Variants in CROCC2 observed in about 807,000 individuals in gnomAD.
CROCC2 encodes ciliary rootlet coiled-coil protein 2.
Under a neutral mutation model 177.6 loss-of-function variants are expected in CROCC2, and 163 were observed. The observed-to-expected ratio is 0.92, with a 90% CI of 0.81 to 1.05. The LOEUF (loss-of-function observed/expected upper bound fraction) is 1.05. Ranked by LOEUF, CROCC2 falls within the 50% of genes least tolerant of loss-of-function variation. The probability of loss-of-function intolerance (pLI) is 0.00; values close to 1 mark genes in which losing one functional copy is unlikely to be tolerated. For missense variants in CROCC2, 1,929 were observed against 1,797.8 expected (o/e 1.07, Z -1.32); for synonymous variants, 904 against 787.3 (o/e 1.15, Z -2.48).
chr2:240,929,266 C>G, intron 5 of CROCC2, among the ~76,000 whole-genome samples: 1 of 152,134 alleles, frequency 6.6e-6, no homozygotes, highest in East Asian at 1.9e-4. Flanking sequence ...TCTGGGGGTT[C>G]TGGAGAACGG....
chr2:240,989,023 G>A (rs898919772), intron 29 of CROCC2, among the ~76,000 whole-genome samples, 153 bp downstream of exon 29: 2 of 152,132 alleles, frequency 1.3e-5, no homozygotes, highest in Non-Finnish European at 2.9e-5. Flanking sequence ...TTCTGCATGT[G>A]ATGGATACAG....
In CROCC2 at chr2:240,906,508, G is replaced by A. The variant is rs1454182004; in HGVS notation, c.-6G>A. 1 of 399,106 alleles carries A rather than the reference G, an allele frequency of 2.5e-6. No homozygotes were observed. The highest frequency in any genetic ancestry group is 4.4e-6 in the Non-Finnish European group (1 of 226,110). 24.7% of individuals were successfully genotyped at this position (399,106 alleles called of 1,614,324 possible). On this transcript the variant is annotated 5_prime_UTR_variant, in exon 1 of 32. Coordinates refer to ENST00000690015, the MANE Select transcript of CROCC2 (RefSeq NM_001351305.2). ...ACTTCTCTGGGGTCCTGCGCTCTGG[G>A]CTGCAATGAGCTCTGCCTCCAGTGA...
At chr2:240,964,288 A>T in intron 21 of CROCC2, 178 bp from the exon 22 acceptor site, 1 of 705,376 alleles carries the variant, frequency 1.4e-6, no homozygotes, top group Non-Finnish European at 2.4e-6. Context: ...CGGCACCGGG[A>T]CCTGGGTGGA....
At chr2:240,961,776 ACT>A (rs374595801) in intron 20 of CROCC2, among the ~76,000 whole-genome samples, 1 of 75,854 alleles carries the variant, frequency 1.3e-5, no homozygotes, top group African/African-American at 6.6e-5. Flanking sequence ...ACACACACAC[ACT>A]CATCACACAC....
chr2:240,992,847 T>G (rs1420080084), intron 31 of CROCC2, among the ~76,000 whole-genome samples: 2 of 152,176 alleles, frequency 1.3e-5, no homozygotes, highest in Non-Finnish European at 2.9e-5. Context: ...TTCCCTGCCT[T>G]CCTTCCCCAT....
At chr2:240,961,805 ACT>A (rs1559606207) in intron 20 of CROCC2, among the ~76,000 whole-genome samples, 1 of 79,418 alleles carries the variant, frequency 1.3e-5, no homozygotes, top group East Asian at 3.2e-4. Flanking sequence ...TCACACATAC[ACT>A]CACATACACT....
Position 240,953,733 on chromosome 2 carries a change from G to A in CROCC2, c.2830-2126G>A, listed in dbSNP as rs377677189. On this transcript the variant is annotated intron_variant, in intron 18 of 31. Coordinates refer to ENST00000690015, the MANE Select transcript of CROCC2 (RefSeq NM_001351305.2). This position sits in a 1 kb window ranked among gnomAD's most constrained non-coding sequence, Gnocchi z 4.0. ...ATGACCCAGTCACAAAACAGTCTTTGGGGATCTTATTTCTGTAATGAAGAA... is the reference window on the plus strand; with the variant it reads ...ATGACCCAGTCACAAAACAGTCTTTAGGGATCTTATTTCTGTAATGAAGAA... 6.6e-6 allele frequency among the ~76,000 whole-genome samples: 1 copy of A among 152,164 alleles called. No individual in the cohort carries two copies. Among genetic ancestry groups the A allele is most frequent in the Non-Finnish European group, 1.5e-5 (1 of 68,030 alleles).
At chr2:240,940,175 T>C (rs2059488178) in intron 14 of CROCC2, among the ~76,000 whole-genome samples, 1 of 152,184 alleles carries the variant, frequency 6.6e-6, no homozygotes, top group Non-Finnish European at 1.5e-5. Flanking sequence ...GCTGTGATAA[T>C]GGAATTGTCT....
chr2:240,910,236 T>G (rs529641737), intron 1 of CROCC2, among the ~76,000 whole-genome samples: 1 of 152,192 alleles, frequency 6.6e-6, no homozygotes, highest in African/African-American at 2.4e-5. Flanking sequence ...GTGACTGCCT[T>G]GAGGGGTGGG....
chr2:240,934,578 C>T, intron 12 of CROCC2, 103 bp downstream of exon 12: 1 of 1,227,968 alleles, frequency 8.1e-7, no homozygotes, highest in Non-Finnish European at 1.1e-6. Flanking sequence ...CCTGCCGGGC[C>T]CCTCAGCCCA....
rs574965350 is a variant in CROCC2 at position 240,953,843 on chromosome 2, G to A, written c.2830-2016G>A. 1.9e-4 allele frequency among the ~76,000 whole-genome samples: 29 copies of A among 152,272 alleles called. No individual in the cohort carries two copies. Among genetic ancestry groups the A allele is most frequent in the African/African-American group, 6.5e-4 (27 of 41,564 alleles). On this transcript the variant is annotated intron_variant, in intron 18 of 31. Coordinates refer to ENST00000690015, the MANE Select transcript of CROCC2 (RefSeq NM_001351305.2). The surrounding 1 kb of genome is among the most constrained non-coding windows in gnomAD (Gnocchi z 4.0). ...TCTCCACTGGAACCCTCCATTCTCC[G>A]ACCCGCTGTGTCTGAATGGCGGCTT...
chr2:240,988,971 C>G, intron 29 of CROCC2, 101 bp downstream of exon 29: 1 of 1,213,412 alleles, frequency 8.2e-7, no homozygotes, highest in Non-Finnish European at 1.1e-6. Flanking sequence ...TGGTGTACCT[C>G]CATCTCACAC....
chr2:240,931,351 G>T (rs910212805), intron 7 of CROCC2, among the ~76,000 whole-genome samples: 2 of 152,188 alleles, frequency 1.3e-5, no homozygotes, highest in East Asian at 3.8e-4. Context: ...CTACAGTGAG[G>T]GTTTCAGGGA....
chr2:240,967,324 G>T, intron 25 of CROCC2, 21 bp from the exon 26 acceptor site: 1 of 671,820 alleles, frequency 1.5e-6, no homozygotes, highest in East Asian at 2.8e-5. Flanking sequence ...TGCCCCCGCT[G>T]ACCTCAGTCC....
chr2:240,935,445 G>T lies in CROCC2; in HGVS notation c.2026G>T (p.Glu676Ter). The T allele has an allele frequency of 7.3e-7, 1 of 1,369,368 alleles. No individual in the cohort carries two copies. The allele number at this position is 1,369,368 out of a possible 1,614,324, so 84.8% of individuals were successfully genotyped here. A position where few individuals can be genotyped will look rare whatever the true frequency, so the allele number is the denominator to read the frequency against. Residue 676 changes from glutamate (E) to a stop codon, truncating the protein, a stop_gained, in exon 14 of 32, where the codon GAG becomes TAG. Transcript: ENST00000690015. LOFTEE classifies it high-confidence loss of function. Reference protein sequence around the residue: ...ARAGEQLAQAEQQLALERAER... With the variant: ...ARAGEQLAQA ...GGCCGGGGAGCAGCTGGCACAGGCGGAGCAGCAGCTGGCGCTGGAGCGGGC... is the reference window on the plus strand; with the variant it reads ...GGCCGGGGAGCAGCTGGCACAGGCGTAGCAGCAGCTGGCGCTGGAGCGGGC...
At chr2:240,950,613 A>G in intron 18 of CROCC2, 103 bp downstream of exon 18, 2 of 1,210,746 alleles carry the variant, frequency 1.7e-6, no homozygotes, top group Non-Finnish European at 2.3e-6. Flanking sequence ...AGGCAGGTCC[A>G]ACCGCCTACC....
rs987644840 is a variant in CROCC2 at position 240,963,428 on chromosome 2, A to T, written c.3088-128A>T. Reference sequence around the variant, plus strand: ...ATTGGTGGCTCCATGGGGTGAGCAAAGCGCATGGGGACCAAGTTGGGCAGG... The same window carrying T: ...ATTGGTGGCTCCATGGGGTGAGCAATGCGCATGGGGACCAAGTTGGGCAGG... On this transcript the variant is annotated intron_variant, in intron 20 of 31. Coordinates refer to ENST00000690015, the MANE Select transcript of CROCC2 (RefSeq NM_001351305.2). 5.3e-5 allele frequency: 52 copies of T among 986,218 alleles called. No individual in the cohort carries two copies. In the African/African-American group the frequency reaches 7.9e-4, roughly 15 times the overall value. 61.1% of individuals were successfully genotyped at this position (986,218 alleles called of 1,614,324 possible).
At chr2:240,923,026 T>C (rs932455438) in intron 4 of CROCC2, among the ~76,000 whole-genome samples, 3 of 152,004 alleles carry the variant, frequency 2.0e-5, no homozygotes, top group African/African-American at 7.3e-5. Context: ...ATCCCTATTA[T>C]AGTAGCTGCA....
At position 240,929,360 on chromosome 2, in the gene CROCC2, A is replaced by G. The variant is rs76370576; in HGVS notation, c.646-806A>G. 2.4e-3 allele frequency among the ~76,000 whole-genome samples: 373 copies of G among 152,254 alleles called. 5 individuals carry two copies. In the East Asian group the frequency reaches 0.041, roughly 17 times the overall value. On this transcript the variant is annotated intron_variant, in intron 5 of 31. Coordinates refer to ENST00000690015, the MANE Select transcript of CROCC2 (RefSeq NM_001351305.2). ...AGGCAGGCAGAGGTGGTAGAAACACAGTAGCACCCTGAGTTCCAGAGGTCA... is the reference window on the plus strand; with the variant it reads ...AGGCAGGCAGAGGTGGTAGAAACACGGTAGCACCCTGAGTTCCAGAGGTCA...
Sources: allele counts gnomAD v4.1 joint callset (sites outside exome capture counted in the v4.1 genomes callset), GRCh38; gene constraint gnomAD v4.1.1; non-coding constraint Gnocchi (gnomAD v3.1); transcripts MANE v1.5; gene names NCBI Gene and HGNC (gene_info 2026-07-23, HGNC 2026-07-21).